Variants in RFC3 observed in about 807,000 individuals in gnomAD.
RFC3 encodes the protein replication factor C subunit 3, also known as A1 38 kDa subunit.
Under a neutral mutation model 45.1 loss-of-function variants are expected in RFC3, and 41 were observed. The observed-to-expected ratio is 0.91, with a 90% CI of 0.71 to 1.18. RFC3 has a LOEUF of 1.18. RFC3 is among the 50% of genes most tolerant of loss of function. The probability of loss-of-function intolerance (pLI) is 0.00; values close to 1 mark genes in which losing one functional copy is unlikely to be tolerated. For missense variants in RFC3, 423 were observed against 428.1 expected (o/e 0.99, Z 0.10); for synonymous variants, 149 against 144.0 (o/e 1.03, Z -0.25).
chr13:33,823,103 A>G (rs1274252183), intron 2 of RFC3, among the ~76,000 whole-genome samples: 1 of 152,160 alleles, frequency 6.6e-6, no homozygotes, highest in Admixed American at 6.5e-5. Flanking sequence ...TCTATTATAT[A>G]CTCACCAAAC....
At chr13:33,958,399 G>A (rs1243954020) in intron 8 of RFC3, among the ~76,000 whole-genome samples, 2 of 152,140 alleles carry the variant, frequency 1.3e-5, no homozygotes, top group Non-Finnish European at 1.5e-5. Flanking sequence ...GATTTCTGGA[G>A]GTATTTGCAC....
chr13:33,938,039 G>A (rs1033633224), intron 8 of RFC3, among the ~76,000 whole-genome samples: 1 of 152,032 alleles, frequency 6.6e-6, no homozygotes, highest in African/African-American at 2.4e-5. Context: ...TGCAGTTTCT[G>A]TTACCTGACT....
intron 8 of RFC3, among the ~76,000 whole-genome samples, chr13:33,890,713 T>TA (rs1314953261): frequency 6.6e-6 from 1 of 152,170 alleles, no homozygotes; most frequent in Non-Finnish European, 1.5e-5. Flanking sequence ...TAGGTAATCT[T>TA]ATTGATGATG....
intron 8 of RFC3, among the ~76,000 whole-genome samples, chr13:33,930,708 C>T (rs890005043): frequency 1.3e-4 from 20 of 152,144 alleles, no homozygotes; most frequent in Non-Finnish European, 2.5e-4. Context: ...GAATTGTCAA[C>T]TCCTGACCTT....
At chr13:33,856,115 G>A (rs561028069) in intron 8 of RFC3, among the ~76,000 whole-genome samples, 2 of 152,256 alleles carry the variant, frequency 1.3e-5, no homozygotes, top group South Asian at 4.1e-4. Flanking sequence ...TTACATTTAA[G>A]TCTTAATCCA....
chr13:33,907,943 T>C (rs1340597037), intron 8 of RFC3, among the ~76,000 whole-genome samples: 1 of 151,290 alleles, frequency 6.6e-6, no homozygotes, highest in Non-Finnish European at 1.5e-5. Flanking sequence ...AAATTCTTTC[T>C]TTTTTTTTCA....
At chr13:33,913,992 A>G (rs545297250) in intron 8 of RFC3, among the ~76,000 whole-genome samples, 2 of 145,376 alleles carry the variant, frequency 1.4e-5, no homozygotes, top group East Asian at 1.9e-4. Context: ...TGATATGCTC[A>G]TGTAATTACT....
At chr13:33,825,059 G>A (rs1340940525) in intron 3 of RFC3, among the ~76,000 whole-genome samples, 1 of 152,064 alleles carries the variant, frequency 6.6e-6, no homozygotes, top group African/African-American at 2.4e-5. Context: ...TTTTCTCATC[G>A]TGAGTTCTTC....
At chr13:33,880,430 G>C (rs1339867344) in intron 8 of RFC3, among the ~76,000 whole-genome samples, 1 of 152,146 alleles carries the variant, frequency 6.6e-6, no homozygotes, top group Admixed American at 6.5e-5. Flanking sequence ...AGACGAATTA[G>C]TGAGTCATTG....
At position 33,845,223 on chromosome 13, in the gene RFC3, G is replaced by A. The variant is rs1016172618; in HGVS notation, c.879+10006G>A. 1.6e-4 allele frequency among the ~76,000 whole-genome samples: 25 copies of A among 152,140 alleles called. 4 individuals are homozygous for A. The highest frequency in any genetic ancestry group is 1.4e-3 in the Admixed American group (21 of 15,278). ...TTAGGATCCTTTATCCATGACCTTT[G>A]GGAGTTTGATTATTAGATGCCTTGA... On this transcript the variant is annotated intron_variant, in intron 8 of 8. Coordinates refer to the RFC3 transcript ENST00000434425.
At chr13:33,835,992 C>T (rs1461703353) in intron 8 of RFC3, 112 bp from the exon 9 acceptor site, 8 of 1,096,872 alleles carry the variant, frequency 7.3e-6, no homozygotes, top group Admixed American at 3.0e-5. Flanking sequence ...TTAAAGATCT[C>T]ACACATATAA....
intron 8 of RFC3, among the ~76,000 whole-genome samples, chr13:33,930,142 C>G (rs148647006): frequency 2.0e-5 from 3 of 152,132 alleles, no homozygotes; most frequent in African/African-American, 7.2e-5. Flanking sequence ...TTAGGGTTCT[C>G]TAGAGGAACA....
chr13:33,950,645 T>A lies in RFC3; in HGVS notation c.880-15442T>A, dbSNP rs114167401. The stretch of plus-strand genomic sequence containing the variant: ...GAATGAGGCCAACACACAGGTCAAC[T>A]GAGCTGAGAGAAGAAGAGATAGCTC... On this transcript the variant is annotated intron_variant, in intron 8 of 8. Coordinates refer to the RFC3 transcript ENST00000434425. 4.6e-3 allele frequency among the ~76,000 whole-genome samples: 697 copies of A among 152,350 alleles called. 8 individuals carry two copies. The highest frequency in any genetic ancestry group is 0.016 in the African/African-American group (662 of 41,582).
At chr13:33,829,460 A>G (rs890228654) in intron 4 of RFC3, 1 of 208,778 alleles carries the variant, frequency 4.8e-6, no homozygotes, top group African/African-American at 2.4e-5. Context: ...GATTTCTACT[A>G]CAAAGTGACC....
intron 8 of RFC3, chr13:33,847,461 C>A (rs575138333): frequency 6.6e-6 from 1 of 152,070 alleles, no homozygotes; most frequent in South Asian, 2.1e-4. Context: ...TCACCTCCTC[C>A]TCCAGCAGTT....
intron 8 of RFC3, among the ~76,000 whole-genome samples, chr13:33,873,683 G>C (rs897911167): frequency 6.6e-6 from 1 of 152,138 alleles, no homozygotes; most frequent in Non-Finnish European, 1.5e-5. Context: ...CTTTGAACAA[G>C]ACCCTTCACC....
At chr13:33,955,749 T>G (rs1234866083) in intron 8 of RFC3, among the ~76,000 whole-genome samples, 3 of 152,176 alleles carry the variant, frequency 2.0e-5, no homozygotes, top group African/African-American at 7.2e-5. Context: ...AGAAATAGGT[T>G]TCACAGCCAA....
At chr13:33,834,322 A>ATT (rs1158685131) in intron 7 of RFC3, among the ~76,000 whole-genome samples, 1 of 129,916 alleles carries the variant, frequency 7.7e-6, no homozygotes, top group Non-Finnish European at 1.5e-5. Context: ...ATATATATAT[A>ATT]TATATATATC....
intron 8 of RFC3, among the ~76,000 whole-genome samples, chr13:33,910,523 A>T (rs1566025003): frequency 2.0e-5 from 3 of 152,120 alleles, no homozygotes; most frequent in Admixed American, 1.3e-4. Flanking sequence ...GCAGGGAAGC[A>T]CTTGGCCCAG....
Sources: allele counts gnomAD v4.1 joint callset (sites outside exome capture counted in the v4.1 genomes callset), GRCh38; gene constraint gnomAD v4.1.1; transcripts MANE v1.5; gene names NCBI Gene and HGNC (gene_info 2026-07-23, HGNC 2026-07-21).